LOC400499: variants seen among roughly 807,000 people sequenced by gnomAD.
the LOC400499 span, chr16:11,472,188 C>A: frequency 1.2e-5 from 2 of 167,508 alleles, no homozygotes; most frequent in Non-Finnish European, 2.5e-5. Context: ...CCCTGGTAGA[C>A]TTTTTCTTTT....
chr16:11,428,505 AC>A, the LOC400499 span, among the ~76,000 whole-genome samples: 1 of 152,076 alleles, frequency 6.6e-6, no homozygotes, highest in Non-Finnish European at 1.5e-5. Flanking sequence ...ATATGACGTA[AC>A]TTCCTGATGT....
the LOC400499 span, among the ~76,000 whole-genome samples, chr16:11,516,858 G>A: frequency 9.9e-5 from 15 of 152,214 alleles, no homozygotes; most frequent in Non-Finnish European, 1.6e-4. Flanking sequence ...CGTTGCCCAG[G>A]CTGATCTCAA....
At chr16:11,389,974 A>G in the LOC400499 span, 1 of 498,226 alleles carries the variant, frequency 2.0e-6, no homozygotes, top group Non-Finnish European at 3.1e-6. Context: ...TCATCTGTAA[A>G]ACGAGGAGAG....
chr16:11,384,734 TGAG>T, the LOC400499 span, among the ~76,000 whole-genome samples: 5 of 152,236 alleles, frequency 3.3e-5, no homozygotes, highest in African/African-American at 1.2e-4. Context: ...TGAGGCTAGA[TGAG>T]GAGTTGAGGG....
the LOC400499 span, among the ~76,000 whole-genome samples, chr16:11,466,449 G>A: frequency 9.1e-3 from 1,388 of 151,696 alleles, 16 homozygotes; most frequent in African/African-American, 0.032. Context: ...GTAAAGTGGC[G>A]TGATCTTGGT....
At chr16:11,450,552 G>C in the LOC400499 span, 1 of 1,507,492 alleles carries the variant, frequency 6.6e-7, no homozygotes, top group African/African-American at 1.4e-5. Context: ...CTCTGCACCA[G>C]AAAAAGATCT....
the LOC400499 span, chr16:11,417,569 G>T: frequency 2.5e-6 from 1 of 398,346 alleles, no homozygotes; most frequent in East Asian, 3.6e-5. Flanking sequence ...TGAGGCTGCT[G>T]GTCTGGCCCA....
chr16:11,480,240 G>C, the LOC400499 span, among the ~76,000 whole-genome samples: 1 of 152,228 alleles, frequency 6.6e-6, no homozygotes, highest in African/African-American at 2.4e-5. Flanking sequence ...GAAAATAACA[G>C]ACAAAGGGGA....
chr16:11,439,056 C>T, the LOC400499 span, among the ~76,000 whole-genome samples: 1 of 152,176 alleles, frequency 6.6e-6, no homozygotes, highest in Non-Finnish European at 1.5e-5. Context: ...TGTGCACACA[C>T]CATGCACAGC....
At chr16:11,507,888 T>G in the LOC400499 span, among the ~76,000 whole-genome samples, 10 of 152,038 alleles carry the variant, frequency 6.6e-5, no homozygotes, top group Non-Finnish European at 1.2e-4. Flanking sequence ...GAGCCATGAT[T>G]TCACCACTAT....
At chr16:11,473,529 C>T in the LOC400499 span, among the ~76,000 whole-genome samples, 14 of 151,878 alleles carry the variant, frequency 9.2e-5, no homozygotes, top group African/African-American at 2.7e-4. Flanking sequence ...CCAAAGCAGG[C>T]GGATCACCCG....
At chr16:11,379,609 G>C in the LOC400499 span, among the ~76,000 whole-genome samples, 1 of 152,360 alleles carries the variant, frequency 6.6e-6, no homozygotes, top group Non-Finnish European at 1.5e-5. Flanking sequence ...GAGGCCCACA[G>C]CCAAGGACTG....
chr16:11,493,041 G>A, the LOC400499 span, among the ~76,000 whole-genome samples: 6 of 152,174 alleles, frequency 3.9e-5, no homozygotes, highest in Non-Finnish European at 1.5e-5. Context: ...AGTGTTTGAG[G>A]AAGAACAGAA....
chr16:11,402,408 A>G, the LOC400499 span: 1 of 370,960 alleles, frequency 2.7e-6, no homozygotes, highest in Non-Finnish European at 4.8e-6. Context: ...GGCTCCTCCA[A>G]GAGGTGGCGT....
the LOC400499 span, chr16:11,449,171 C>G: frequency 1.0e-5 from 13 of 1,290,672 alleles, no homozygotes; most frequent in South Asian, 6.3e-5. Flanking sequence ...CCTGGGATAC[C>G]CTTTCATCTC....
the LOC400499 span, chr16:11,417,682 C>T: frequency 2.5e-6 from 1 of 399,248 alleles, no homozygotes; most frequent in Non-Finnish European, 4.4e-6. Context: ...GAACCCTGCC[C>T]ACAACAAAGC....
At chr16:11,502,727 G>T in the LOC400499 span, among the ~76,000 whole-genome samples, 58 of 150,366 alleles carry the variant, frequency 3.9e-4, no homozygotes, top group East Asian at 0.011. Flanking sequence ...CGATTCTCCC[G>T]CCTCAGCCTC....
At chr16:11,476,804 G>A in the LOC400499 span, 1 of 399,278 alleles carries the variant, frequency 2.5e-6, no homozygotes, top group Non-Finnish European at 4.4e-6. Flanking sequence ...GGCGTGTTCA[G>A]ATGCACCTTA....
chr16:11,470,912 G>A, the LOC400499 span, among the ~76,000 whole-genome samples: 5 of 152,184 alleles, frequency 3.3e-5, no homozygotes, highest in East Asian at 5.8e-4. Flanking sequence ...CAGGGGAAAC[G>A]CCCAGTGCAA....
Sources: gnomAD v4.1 joint callset for allele counts (sites outside exome capture counted in the v4.1 genomes callset) on GRCh38, gnomAD v4.1.1 for gene constraint, MANE v1.5 for transcripts.